The following MYRIP variants were observed in gnomAD, a reference collection of about 807,000 sequenced individuals.
MYRIP encodes rab effector MyRIP.
MYRIP carries 49 observed loss-of-function variants against 98.0 expected under a neutral mutation model. The ratio of observed to expected loss-of-function variants is 0.50; its 90% CI spans 0.40 to 0.63. The LOEUF is 0.63. Ranked by LOEUF, MYRIP falls within the 30% of genes least tolerant of loss-of-function variation. The probability of loss-of-function intolerance (pLI) is 0.00; values close to 1 mark genes in which losing one functional copy is unlikely to be tolerated. For missense variants in MYRIP, 1,004 were observed against 1,058.2 expected (o/e 0.95, Z 0.71); for synonymous variants, 404 against 409.5 (o/e 0.99, Z 0.16).
chr3:40,131,662 A>G (rs1017440091), intron 3 of MYRIP, among the ~76,000 whole-genome samples: 1 of 152,232 alleles, frequency 6.6e-6, no homozygotes, highest in African/African-American at 2.4e-5. Context: ...ATTTGAAAAA[A>G]TAAAGTTACC....
chr3:40,097,034 T>C (rs1218441552), intron 3 of MYRIP, among the ~76,000 whole-genome samples: 1 of 152,230 alleles, frequency 6.6e-6, no homozygotes, highest in South Asian at 2.1e-4. Flanking sequence ...ATGGAGGCTT[T>C]TGACTTCTTC....
chr3:40,007,935 T>C (rs1273287901), intron 2 of MYRIP, among the ~76,000 whole-genome samples: 1 of 152,228 alleles, frequency 6.6e-6, no homozygotes, highest in African/African-American at 2.4e-5. Flanking sequence ...GTTAATCTTG[T>C]CTGAAAAACA....
At chr3:39,895,951 G>A (rs114676082) in intron 1 of MYRIP, among the ~76,000 whole-genome samples, 2,452 of 151,870 alleles carry the variant, frequency 0.016, 64 homozygotes, top group African/African-American at 0.056. Flanking sequence ...GTGCACGTAC[G>A]CATATACATG....
At chr3:40,144,051 T>G (rs1480408726) in intron 3 of MYRIP, among the ~76,000 whole-genome samples, 1 of 152,240 alleles carries the variant, frequency 6.6e-6, no homozygotes, top group Non-Finnish European at 1.5e-5. Context: ...CTTCTCGGTC[T>G]GTCTAGAACT....
At chr3:40,129,894 C>T (rs13353518) in intron 3 of MYRIP, among the ~76,000 whole-genome samples, 1,535 of 152,234 alleles carry the variant, frequency 0.01, 34 homozygotes, top group African/African-American at 0.032. Flanking sequence ...TATGTGATTC[C>T]GATCTGTCTT....
intron 8 of MYRIP, among the ~76,000 whole-genome samples, chr3:40,172,888 T>C (rs1950648552): frequency 6.6e-6 from 1 of 152,212 alleles, no homozygotes; most frequent in South Asian, 2.1e-4. Context: ...TCTTCCTTTA[T>C]CAGAAGCTGA....
intron 2 of MYRIP, among the ~76,000 whole-genome samples, chr3:39,956,861 C>G (rs1945178486): frequency 6.6e-6 from 1 of 151,696 alleles, no homozygotes; most frequent in South Asian, 2.1e-4. Context: ...CCACCGATCC[C>G]ACAGAAATAC....
intron 3 of MYRIP, among the ~76,000 whole-genome samples, chr3:40,084,167 C>G (rs967641478): frequency 3.1e-4 from 34 of 110,944 alleles, no homozygotes; most frequent in African/African-American, 1.1e-3. Flanking sequence ...AAAAAAAAGA[C>G]ATTCTCAGAA....
chr3:40,218,045 T>C (rs1364273833), intron 11 of MYRIP, among the ~76,000 whole-genome samples: 2 of 151,696 alleles, frequency 1.3e-5, no homozygotes, highest in African/African-American at 4.8e-5. Context: ...ACTCAGAAAA[T>C]ATAAAGAAAA....
intron 1 of MYRIP, among the ~76,000 whole-genome samples, chr3:39,847,120 A>T (rs1477345893): frequency 6.6e-6 from 1 of 152,206 alleles, no homozygotes; most frequent in Non-Finnish European, 1.5e-5. Flanking sequence ...TCCATCCTTT[A>T]TCAACTTGGC....
Position 39,895,893 on chromosome 3 carries a change from G to GA in MYRIP, c.-30-4889dup, listed in dbSNP as rs544267911. On this transcript the variant is annotated intron_variant, in intron 1 of 16. Transcript: ENST00000302541. ...AACAGGTCAGGCCAGAAAGTCCTGA[G>GA]AAAAACTCGTGTGTGTGTGTGTGGT... Among the ~76,000 whole-genome samples, 7 of 146,284 alleles carry GA rather than the reference G, an allele frequency of 4.8e-5. No homozygotes were observed. The East Asian group carries it at 1.4e-3, about 30-fold the overall frequency.
intron 1 of MYRIP, among the ~76,000 whole-genome samples, chr3:39,819,692 G>T (rs375312991): frequency 1.3e-5 from 2 of 152,206 alleles, no homozygotes; most frequent in Admixed American, 6.5e-5. Context: ...CCACCAGAGG[G>T]TTAGTGAGGA....
chr3:39,989,126 G>A (rs961200175), intron 2 of MYRIP, among the ~76,000 whole-genome samples: 7 of 152,036 alleles, frequency 4.6e-5, no homozygotes, highest in South Asian at 2.1e-4. Flanking sequence ...CGTTTTTTTC[G>A]TTGATTCTTT....
chr3:40,195,614 C>A (rs1471262540), intron 10 of MYRIP, among the ~76,000 whole-genome samples: 1 of 152,172 alleles, frequency 6.6e-6, no homozygotes, highest in African/African-American at 2.4e-5. Context: ...CTTCTATAAT[C>A]TGTTAATGTT....
At position 39,865,742 on chromosome 3, in the gene MYRIP, A is replaced by G. The variant is rs191059724; in HGVS notation, c.-30-35045A>G. On this transcript the variant is annotated intron_variant, in intron 1 of 16. Transcript: ENST00000302541. ...TGATGGTGGGAATGTAAATAAATTC[A>G]TCTGTTTACTGGAAAGCAGTGTGGT... Among the ~76,000 whole-genome samples, 8 of 152,342 alleles carry G rather than the reference A, an allele frequency of 5.3e-5. No homozygotes were observed. In the East Asian group the frequency reaches 1.2e-3, roughly 22 times the overall value.
intron 2 of MYRIP, among the ~76,000 whole-genome samples, chr3:39,906,067 A>T (rs986794623): frequency 6.6e-6 from 1 of 151,942 alleles, no homozygotes; most frequent in Admixed American, 6.6e-5. Flanking sequence ...GGTCAAACAG[A>T]TATGGGTATG....
Position 40,096,910 on chromosome 3 carries a change from T to C in MYRIP, c.332+52639T>C, listed in dbSNP as rs138972112. 1.6e-4 allele frequency among the ~76,000 whole-genome samples: 25 copies of C among 152,350 alleles called. No individual in the cohort carries two copies. The East Asian group carries it at 4.8e-3, about 29-fold the overall frequency. On this transcript the variant is annotated intron_variant, in intron 3 of 16. Transcript: ENST00000302541. ...CTGCTTGGCAAAGCCCCTGGTTTAC[T>C]GTTTGGGTGAAGCAAAACGCTCCGC...
intron 10 of MYRIP, among the ~76,000 whole-genome samples, chr3:40,193,146 A>G (rs924448460): frequency 1.9e-4 from 29 of 152,204 alleles, no homozygotes; most frequent in African/African-American, 6.8e-4. Flanking sequence ...CAAGGTTACA[A>G]GGCACACAGA....
chr3:40,031,538 T>A (rs2125818667), intron 2 of MYRIP, among the ~76,000 whole-genome samples: 1 of 152,138 alleles, frequency 6.6e-6, no homozygotes, highest in Non-Finnish European at 1.5e-5. Flanking sequence ...CTGCTTAGAG[T>A]TTGGTCTTGA....
Sources: gnomAD v4.1 joint callset for allele counts (sites outside exome capture counted in the v4.1 genomes callset) on GRCh38, gnomAD v4.1.1 for gene constraint, MANE v1.5 for transcripts, NCBI Gene and HGNC (gene_info 2026-07-23, HGNC 2026-07-21) for gene names.